ACTR10: variants seen among roughly 807,000 people sequenced by gnomAD.
ACTR10 encodes the protein actin related protein 10.
A neutral mutation model predicts 56.2 loss-of-function variants in ACTR10; 43 were observed. The observed-to-expected ratio is 0.77, with a 90% CI of 0.60 to 0.99. The LOEUF is 0.99. Ranked by LOEUF, ACTR10 falls within the 50% of genes least tolerant of loss-of-function variation. The probability of loss-of-function intolerance (pLI) is 0.00; values close to 1 mark genes in which losing one functional copy is unlikely to be tolerated. For synonymous variants in ACTR10, 170 were observed against 176.3 expected, an observed-to-expected ratio of 0.96 and a Z score of 0.28; for missense variants, 466 against 507.8, an observed-to-expected ratio of 0.92 and a Z score of 0.79.
At chr14:58,202,041 T>A (rs2140039494) in intron 1 of ACTR10, among the ~76,000 whole-genome samples, 1 of 151,072 alleles carries the variant, frequency 6.6e-6, no homozygotes, top group South Asian at 2.1e-4. Context: ...ATGAAGATTA[T>A]GTTAATATGG....
chr14:58,212,632 T>A (rs747533432), intron 5 of ACTR10, among the ~76,000 whole-genome samples: 3 of 152,214 alleles, frequency 2.0e-5, no homozygotes, highest in Non-Finnish European at 2.9e-5. Context: ...TCTCCTTATA[T>A]AAATGAGAAT....
chr14:58,213,389 T>C, intron 5 of ACTR10: 1 of 322,922 alleles, frequency 3.1e-6, no homozygotes, highest in Non-Finnish European at 5.6e-6. Flanking sequence ...CTTTATCAGA[T>C]GCCCCAGCTG....
At chr14:58,227,704 G>A (rs1179564898) in intron 10 of ACTR10, among the ~76,000 whole-genome samples, 1 of 152,216 alleles carries the variant, frequency 6.6e-6, no homozygotes, top group Non-Finnish European at 1.5e-5. Context: ...GTATACTTTA[G>A]TGGTGAAGTG....
chr14:58,203,365 C>T (rs1488462098), intron 2 of ACTR10, among the ~76,000 whole-genome samples: 2 of 149,826 alleles, frequency 1.3e-5, no homozygotes, highest in African/African-American at 4.9e-5. Context: ...GGCTATATTT[C>T]CAAGGAAAAG....
intron 1 of ACTR10, among the ~76,000 whole-genome samples, chr14:58,200,754 A>T (rs1022199295): frequency 6.6e-6 from 1 of 152,254 alleles, no homozygotes; most frequent in Non-Finnish European, 1.5e-5. Flanking sequence ...TCGCTGCTCA[A>T]GAATTAGGGA....
chr14:58,229,314 A>G (rs1889474531), intron 10 of ACTR10, among the ~76,000 whole-genome samples: 1 of 152,180 alleles, frequency 6.6e-6, no homozygotes, highest in African/African-American at 2.4e-5. Flanking sequence ...GTGATGAATA[A>G]ACCTAGAGAT....
At chr14:58,230,985 C>A (rs1040169066) in intron 11 of ACTR10, 1 of 244,580 alleles carries the variant, frequency 4.1e-6, no homozygotes, top group Non-Finnish European at 8.9e-6. Context: ...TCTTGAACTC[C>A]TGACCTTGTG....
chr14:58,211,098 T>C (rs1888982666), intron 4 of ACTR10, 194 bp from the exon 5 acceptor site: 2 of 472,042 alleles, frequency 4.2e-6, no homozygotes, highest in Non-Finnish European at 7.6e-6. Context: ...CAGTGTATTT[T>C]GGTTATTGAG....
At chr14:58,207,460 G>A (rs1888895169) in intron 2 of ACTR10, among the ~76,000 whole-genome samples, 1 of 151,586 alleles carries the variant, frequency 6.6e-6, no homozygotes, top group African/African-American at 2.4e-5. Context: ...GAGTAGCTGG[G>A]ACTATAGGCA....
In ACTR10 at chr14:58,208,037, T is replaced by C. The variant is rs772069826; in HGVS notation, c.233+19T>C. The C allele has an allele frequency of 6.7e-7, 1 of 1,499,630 alleles. No individual in the cohort carries two copies. Among genetic ancestry groups the C allele is most frequent in the South Asian group, 1.3e-5 (1 of 74,702 alleles). The allele number at this position is 1,499,630 out of a possible 1,614,324, so 92.9% of individuals were successfully genotyped here. ...ATTTCAGGTAAGATACATTTTGTTT[T>C]CTAGCTTTTATGATTAGATAGATTT... On this transcript the variant is annotated intron_variant, in intron 3 of 12. Coordinates refer to ENST00000254286, the MANE Select transcript of ACTR10 (RefSeq NM_018477.3).
At chr14:58,216,321 G>T (rs1268628806) in intron 7 of ACTR10, among the ~76,000 whole-genome samples, 3 of 152,022 alleles carry the variant, frequency 2.0e-5, no homozygotes, top group East Asian at 3.9e-4. Flanking sequence ...GTAGAGATGG[G>T]GTTTTGCCAT....
chr14:58,227,548 T>C (rs1889433237), intron 10 of ACTR10, among the ~76,000 whole-genome samples: 1 of 152,218 alleles, frequency 6.6e-6, no homozygotes, highest in South Asian at 2.1e-4. Flanking sequence ...TTATGTAATT[T>C]TAATATCAAA....
intron 8 of ACTR10, among the ~76,000 whole-genome samples, chr14:58,221,471 T>C (rs1383144922): frequency 2.6e-5 from 4 of 151,960 alleles, no homozygotes; most frequent in Non-Finnish European, 4.4e-5. Flanking sequence ...TACAGACCTA[T>C]AGTCCCAGCT....
chr14:58,220,883 A>G (rs1889248901), intron 8 of ACTR10, among the ~76,000 whole-genome samples: 1 of 152,204 alleles, frequency 6.6e-6, no homozygotes, highest in Admixed American at 6.5e-5. Context: ...AAGGAATGTT[A>G]TGTAGCTGTT....
intron 7 of ACTR10, among the ~76,000 whole-genome samples, chr14:58,216,689 G>A (rs1488683744): frequency 3.3e-5 from 5 of 152,156 alleles, no homozygotes; most frequent in Admixed American, 6.5e-5. Context: ...TCCCTGGGAT[G>A]TTTTTCTTTG....
intron 4 of ACTR10, among the ~76,000 whole-genome samples, chr14:58,209,767 T>C (rs1364079481): frequency 6.6e-6 from 1 of 152,198 alleles, no homozygotes; most frequent in Admixed American, 6.5e-5. Flanking sequence ...TTTTTAAAAA[T>C]CTTTGCCTTA....
chr14:58,226,890 G>A (rs190639631), intron 10 of ACTR10, among the ~76,000 whole-genome samples: 10 of 152,196 alleles, frequency 6.6e-5, no homozygotes, highest in Admixed American at 1.3e-4. Flanking sequence ...GTGAGCCACC[G>A]CACCCAGCCT....
At chr14:58,228,242 G>C (rs1889445529) in intron 10 of ACTR10, among the ~76,000 whole-genome samples, 1 of 152,172 alleles carries the variant, frequency 6.6e-6, no homozygotes, top group Non-Finnish European at 1.5e-5. Context: ...CAGGATGGCT[G>C]TTGGAGTTGT....
chr14:58,209,426 T>G (rs904799949), intron 4 of ACTR10, among the ~76,000 whole-genome samples: 8 of 152,104 alleles, frequency 5.3e-5, no homozygotes, highest in African/African-American at 1.9e-4. Flanking sequence ...TTAATATAGG[T>G]TTTTCTATTT....
Sources: allele counts gnomAD v4.1 joint callset (sites outside exome capture counted in the v4.1 genomes callset), GRCh38; gene constraint gnomAD v4.1.1; transcripts MANE v1.5; gene names NCBI Gene and HGNC (gene_info 2026-07-23, HGNC 2026-07-21).